Variants in EPHA6 observed in about 807,000 individuals in gnomAD.
The protein encoded by EPHA6 is EPH receptor A6, also known as ephrin type-A receptor 6.
In EPHA6, 50 loss-of-function variants were observed where a neutral mutation model predicts 112.0. That is an observed-to-expected ratio of 0.45 (90% confidence interval 0.36 to 0.56). The LOEUF (loss-of-function observed/expected upper bound fraction) is 0.56, where lower values mean the gene tolerates loss of function less well. EPHA6 is among the 20% of genes least tolerant of loss of function. The pLI is 0.00. For synonymous variants in EPHA6, 529 were observed against 490.7 expected (o/e 1.08, Z -1.03); for missense variants, 1,280 against 1,417.4 (o/e 0.90, Z 1.56).
chr3:96,866,770 T>C, intron 1 of EPHA6, 55 bp from the exon 2 acceptor site: 1 of 899,760 alleles, frequency 1.1e-6, no homozygotes, highest in Non-Finnish European at 1.6e-6. Context: ...TAATTTAATA[T>C]ATTTTTGCAT....
At chr3:97,276,539 TG>T (rs2080087710) in intron 5 of EPHA6, among the ~76,000 whole-genome samples, 2 of 152,112 alleles carry the variant, frequency 1.3e-5, no homozygotes, top group Admixed American at 6.6e-5. Flanking sequence ...GGCTGGGGTT[TG>T]TCTCATAGTG....
intron 5 of EPHA6, among the ~76,000 whole-genome samples, chr3:97,309,180 T>G (rs770870417): frequency 3.8e-4 from 57 of 151,610 alleles, no homozygotes; most frequent in Non-Finnish European, 8.1e-4. Context: ...AAACAATTTT[T>G]AATATTATTT....
chr3:97,093,217 T>C (rs1369851609), intron 3 of EPHA6, among the ~76,000 whole-genome samples: 1 of 152,130 alleles, frequency 6.6e-6, no homozygotes, highest in African/African-American at 2.4e-5. Flanking sequence ...CTGTATGACT[T>C]TAAAAACTGA....
At chr3:97,256,105 G>A (rs912688282) in intron 5 of EPHA6, among the ~76,000 whole-genome samples, 4 of 152,084 alleles carry the variant, frequency 2.6e-5, no homozygotes, top group Non-Finnish European at 5.9e-5. Context: ...CGTCAAAGCA[G>A]AGATCCTCAT....
At chr3:97,160,402 G>T (rs1160573839) in intron 3 of EPHA6, among the ~76,000 whole-genome samples, 1 of 151,832 alleles carries the variant, frequency 6.6e-6, no homozygotes, top group Non-Finnish European at 1.5e-5. Context: ...TCAGCCTCCC[G>T]AGTAGCTGGG....
chr3:97,511,437 G>T (rs564718763), intron 10 of EPHA6, among the ~76,000 whole-genome samples: 2 of 152,120 alleles, frequency 1.3e-5, no homozygotes, highest in African/African-American at 4.8e-5. Flanking sequence ...AGAGGAGGGG[G>T]TTCCTCGACC....
intron 11 of EPHA6, among the ~76,000 whole-genome samples, chr3:97,591,017 C>G (rs973495941): frequency 6.6e-6 from 1 of 152,188 alleles, no homozygotes; most frequent in Non-Finnish European, 1.5e-5. Flanking sequence ...TAAGTTACCT[C>G]GGAGTACTTT....
chr3:97,182,810 A>C (rs2077026834), intron 3 of EPHA6, among the ~76,000 whole-genome samples: 1 of 152,032 alleles, frequency 6.6e-6, no homozygotes, highest in African/African-American at 2.4e-5. Context: ...AGTATGTTTT[A>C]AATAAGAAAA....
chr3:96,937,115 G>A (rs1197810548), intron 2 of EPHA6, among the ~76,000 whole-genome samples: 2 of 152,100 alleles, frequency 1.3e-5, no homozygotes, highest in Non-Finnish European at 1.5e-5. Context: ...AATCCTTTGG[G>A]TATATACCCA....
At chr3:97,740,509 A>C (rs1027011055) in intron 16 of EPHA6, among the ~76,000 whole-genome samples, 3 of 152,092 alleles carry the variant, frequency 2.0e-5, no homozygotes, top group Non-Finnish European at 4.4e-5. Flanking sequence ...CTGGGCCATA[A>C]TTAGGGATCT....
intron 5 of EPHA6, among the ~76,000 whole-genome samples, chr3:97,374,978 A>C (rs1180483444): frequency 6.6e-6 from 1 of 152,178 alleles, no homozygotes; most frequent in Non-Finnish European, 1.5e-5. Flanking sequence ...ATAAATATTT[A>C]TTGAAAACCT....
chr3:97,694,091 T>A (rs976948183), intron 14 of EPHA6, among the ~76,000 whole-genome samples: 1 of 152,174 alleles, frequency 6.6e-6, no homozygotes, highest in African/African-American at 2.4e-5. Flanking sequence ...ACTTTGATTA[T>A]TTTATAGCAA....
At chr3:97,449,088 A>G (rs542981313) in intron 7 of EPHA6, among the ~76,000 whole-genome samples, 28 of 152,262 alleles carry the variant, frequency 1.8e-4, no homozygotes, top group African/African-American at 6.5e-4. Flanking sequence ...AGAATTGTGC[A>G]GCTTTGGCCT....
chr3:96,931,110 A>C (rs2040302597), intron 2 of EPHA6, among the ~76,000 whole-genome samples: 1 of 149,310 alleles, frequency 6.7e-6, no homozygotes, highest in Admixed American at 6.7e-5. Flanking sequence ...TCCAGGGCCC[A>C]CAGGCTGGAC....
At chr3:97,496,408 T>C (rs1234936864) in intron 10 of EPHA6, among the ~76,000 whole-genome samples, 1 of 152,158 alleles carries the variant, frequency 6.6e-6, no homozygotes, top group African/African-American at 2.4e-5. Context: ...AAGGATCACA[T>C]ATGTCTATTT....
chr3:97,495,583 T>A (rs2091955805), intron 10 of EPHA6, among the ~76,000 whole-genome samples: 1 of 152,122 alleles, frequency 6.6e-6, no homozygotes, highest in Non-Finnish European at 1.5e-5. Flanking sequence ...GTAAGTAAAA[T>A]TTCTCAACCT....
At chr3:97,273,639 T>C (rs2079966728) in intron 5 of EPHA6, among the ~76,000 whole-genome samples, 1 of 152,158 alleles carries the variant, frequency 6.6e-6, no homozygotes, top group Non-Finnish European at 1.5e-5. Flanking sequence ...AAAAGACCAT[T>C]AGTCCATTCT....
At chr3:97,325,835 A>G (rs551816465) in intron 5 of EPHA6, among the ~76,000 whole-genome samples, 2 of 152,066 alleles carry the variant, frequency 1.3e-5, no homozygotes, top group Non-Finnish European at 2.9e-5. Context: ...CTAATCTAAC[A>G]TCTATAAATA....
At chr3:97,580,041 A>G (rs981123019) in intron 11 of EPHA6, among the ~76,000 whole-genome samples, 1 of 152,248 alleles carries the variant, frequency 6.6e-6, no homozygotes, top group Non-Finnish European at 1.5e-5. Flanking sequence ...TCTCTTAGAT[A>G]TTAAAACTTT....
Sources: gnomAD v4.1 joint callset for allele counts (sites outside exome capture counted in the v4.1 genomes callset) on GRCh38, gnomAD v4.1.1 for gene constraint, MANE v1.5 for transcripts, NCBI Gene and HGNC (gene_info 2026-07-23, HGNC 2026-07-21) for gene names.